Variants in RDH12 observed in about 807,000 individuals in gnomAD.
The protein encoded by RDH12 is all-trans and 9-cis retinol dehydrogenase.
In RDH12, 21 loss-of-function variants were observed where a neutral mutation model predicts 34.0. The ratio of observed to expected loss-of-function variants is 0.62; its 90% CI spans 0.44 to 0.89. The LOEUF (loss-of-function observed/expected upper bound fraction) is 0.89, where lower values mean the gene tolerates loss of function less well. Among genes scored for constraint, RDH12 ranks in the 40% least tolerant of loss-of-function variants. RDH12 has a pLI of 0.00. For missense variants in RDH12, 394 were observed against 398.6 expected, an observed-to-expected ratio of 0.99 and a Z score of 0.10; for synonymous variants, 198 against 169.9, an observed-to-expected ratio of 1.17 and a Z score of -1.29.
At chr14:67,733,711 A>G in intron 8 of RDH12, 35 bp from the exon 9 acceptor site, 1 of 1,420,304 alleles carries the variant, frequency 7.0e-7, no homozygotes. Flanking sequence ...GCTAATTCTC[A>G]TTCCTGGAAT....
intron 1 of RDH12, chr14:67,715,015 C>T (rs1240334733): frequency 6.6e-6 from 1 of 152,210 alleles, no homozygotes; most frequent in Non-Finnish European, 1.5e-5. Flanking sequence ...GTTTATTGAG[C>T]ATATTAAGCA....
intron 1 of RDH12, among the ~76,000 whole-genome samples, chr14:67,708,405 A>G (rs2037973343): frequency 6.6e-6 from 1 of 152,148 alleles, no homozygotes; most frequent in African/African-American, 2.4e-5. Context: ...GTTATCAGAA[A>G]CCTGCATTTA....
chr14:67,704,600 G>A (rs537656144), intron 1 of RDH12, among the ~76,000 whole-genome samples: 1 of 152,284 alleles, frequency 6.6e-6, no homozygotes, highest in African/African-American at 2.4e-5. Context: ...GTGTCTTAGA[G>A]TGCACTTCCC....
intron 1 of RDH12, among the ~76,000 whole-genome samples, chr14:67,718,191 G>A (rs886484917): frequency 5.3e-5 from 8 of 152,158 alleles, no homozygotes; most frequent in Non-Finnish European, 7.4e-5. Context: ...GGTGCTGTAC[G>A]GGCTCCTTAG....
At chr14:67,710,128 T>C (rs2140114311) in intron 1 of RDH12, among the ~76,000 whole-genome samples, 1 of 152,350 alleles carries the variant, frequency 6.6e-6, no homozygotes, top group African/African-American at 2.4e-5. Context: ...CATATATTGA[T>C]TGATGTCTCA....
intron 3 of RDH12, among the ~76,000 whole-genome samples, 192 bp from the exon 4 acceptor site, chr14:67,724,281 C>T (rs1033665939): frequency 2.0e-5 from 3 of 152,200 alleles, no homozygotes; most frequent in East Asian, 3.9e-4. Flanking sequence ...CCACCTGCAC[C>T]GATAAACAGG....
At chr14:67,706,928 C>G (rs1280042240) in intron 1 of RDH12, among the ~76,000 whole-genome samples, 1 of 152,048 alleles carries the variant, frequency 6.6e-6, no homozygotes, top group South Asian at 2.1e-4. Flanking sequence ...GTCTCATGTC[C>G]TATGCAGAGA....
intron 1 of RDH12, among the ~76,000 whole-genome samples, chr14:67,720,124 A>G (rs148480449): frequency 5.9e-5 from 9 of 152,346 alleles, no homozygotes; most frequent in South Asian, 2.1e-4. Flanking sequence ...TGGCAATCTG[A>G]TAAGTGAAAA....
intron 5 of RDH12, among the ~76,000 whole-genome samples, chr14:67,725,515 G>T (rs1382567096): frequency 6.6e-6 from 1 of 152,198 alleles, no homozygotes; most frequent in Non-Finnish European, 1.5e-5. Flanking sequence ...TGGCATCAAG[G>T]TGTGGCCACA....
At chr14:67,732,126 CAAAAAAAAAAA>C (rs71129854) in intron 8 of RDH12, among the ~76,000 whole-genome samples, 15,781 of 77,782 alleles carry the variant, frequency 0.2, 943 homozygotes, top group Middle Eastern at 0.38. Context: ...GACTCTGTCT[CAAAAAAAAAAA>C]AAAAAAAAAA....
intron 1 of RDH12, among the ~76,000 whole-genome samples, chr14:67,708,075 T>C (rs569714455): frequency 1.2e-4 from 18 of 152,330 alleles, no homozygotes; most frequent in Admixed American, 3.3e-4. Context: ...TGTTATAAGT[T>C]ACAAATACTC....
chr14:67,716,904 T>A (rs1408609213), intron 1 of RDH12, among the ~76,000 whole-genome samples: 1 of 151,896 alleles, frequency 6.6e-6, no homozygotes, highest in Non-Finnish European at 1.5e-5. Context: ...AAAAGAATTT[T>A]AAAATAAATA....
chr14:67,703,476 C>T (rs1388229259), intron 1 of RDH12, among the ~76,000 whole-genome samples: 1 of 152,066 alleles, frequency 6.6e-6, no homozygotes, highest in Non-Finnish European at 1.5e-5. Context: ...TGAGCTTTAT[C>T]TCAACACAAG....
chr14:67,719,133 G>T (rs1448992940), intron 1 of RDH12, among the ~76,000 whole-genome samples: 5 of 152,166 alleles, frequency 3.3e-5, no homozygotes, highest in Non-Finnish European at 7.3e-5. Context: ...TCCATTGGAG[G>T]GTACAATACA....
rs772593066 is a variant in RDH12, at chr14:67,727,188, A to T, written c.656A>T (p.Gln219Leu). 6.2e-7 allele frequency: 1 copy of T among 1,611,598 alleles called. No individual in the cohort carries two copies. Among genetic ancestry groups the T allele is most frequent in the East Asian group, 2.2e-5 (1 of 44,864 alleles). ...LFTRELAKRLQGTGVTTYAVH... is the reference protein window; with the variant it reads ...LFTRELAKRLLGTGVTTYAVH... ...ACTCGTGAGCTGGCCAAGAGGCTCCAAGGTAAGTCTGGAGAAAGAGGAATA... is the reference window on the plus strand; with the variant it reads ...ACTCGTGAGCTGGCCAAGAGGCTCCTAGGTAAGTCTGGAGAAAGAGGAATA... Residue 219 changes from glutamine (Q) to leucine (L), a missense_variant and splice_region_variant, in exon 7 of 9, where the codon CAA (glutamine) becomes CTA (leucine). Coordinates refer to ENST00000551171, the MANE Select transcript of RDH12 (RefSeq NM_152443.3).
At chr14:67,708,325 C>T (rs1239045340) in intron 1 of RDH12, among the ~76,000 whole-genome samples, 6 of 152,160 alleles carry the variant, frequency 3.9e-5, no homozygotes, top group African/African-American at 1.4e-4. Context: ...GCTTGATATT[C>T]GTGAACACTT....
intron 7 of RDH12, among the ~76,000 whole-genome samples, chr14:67,728,932 AT>A (rs1431641362): frequency 6.6e-6 from 1 of 152,232 alleles, no homozygotes; most frequent in East Asian, 1.9e-4. Context: ...AAGCCACAGT[AT>A]AAAAACGACA....
At chr14:67,732,687 C>A (rs959991876) in intron 8 of RDH12, among the ~76,000 whole-genome samples, 1 of 152,150 alleles carries the variant, frequency 6.6e-6, no homozygotes, top group Non-Finnish European at 1.5e-5. Flanking sequence ...AGCCATTCTC[C>A]TGCATCAGCC....
At chr14:67,729,923 C>T (rs1174643550) in intron 8 of RDH12, 2 of 418,464 alleles carry the variant, frequency 4.8e-6, no homozygotes, top group Non-Finnish European at 9.5e-6. Flanking sequence ...AAATCTCTTT[C>T]CCATTCCATG....
Sources: allele counts gnomAD v4.1 joint callset (sites outside exome capture counted in the v4.1 genomes callset), GRCh38; gene constraint gnomAD v4.1.1; transcripts MANE v1.5; gene names NCBI Gene and HGNC (gene_info 2026-07-23, HGNC 2026-07-21).